Variants in SOX6 observed in about 807,000 individuals in gnomAD.
SOX6 encodes the protein transcription factor SOX-6.
Under a neutral mutation model 97.8 loss-of-function variants are expected in SOX6, and 11 were observed. The ratio of observed to expected loss-of-function variants is 0.11; its 90% confidence interval spans 0.07 to 0.19. The LOEUF (loss-of-function observed/expected upper bound fraction) is 0.19, where lower values mean the gene tolerates loss of function less well. SOX6 is among the 10% of genes least tolerant of loss of function. SOX6 has a pLI of 1.00. For missense variants in SOX6, 810 were observed against 1,039.5 expected, an observed-to-expected ratio of 0.78 and a Z score of 3.04; for synonymous variants, 360 against 371.4, an observed-to-expected ratio of 0.97 and a Z score of 0.35.
At chr11:16,367,358 C>T (rs1402922347) in intron 1 of SOX6, among the ~76,000 whole-genome samples, 1 of 152,088 alleles carries the variant, frequency 6.6e-6, no homozygotes, top group Non-Finnish European at 1.5e-5. Context: ...CAAATGCACC[C>T]TCCCTCACAC....
intron 1 of SOX6, among the ~76,000 whole-genome samples, chr11:16,373,155 A>G (rs1857537438): frequency 6.6e-6 from 1 of 152,154 alleles, no homozygotes; most frequent in Non-Finnish European, 1.5e-5. Flanking sequence ...ATAAAATTTC[A>G]TCGTAAAACT....
chr11:15,999,613 T>C (rs1390123148), intron 13 of SOX6, among the ~76,000 whole-genome samples: 1 of 152,062 alleles, frequency 6.6e-6, no homozygotes, highest in African/African-American at 2.4e-5. Context: ...TTTTGAAAGG[T>C]TCTTTTTTCT....
chr11:16,597,913 G>A (rs1020217541), intron 4 of SOX6, among the ~76,000 whole-genome samples: 1 of 151,896 alleles, frequency 6.6e-6, no homozygotes, highest in East Asian at 1.9e-4. Flanking sequence ...CCAGACCATA[G>A]ATTAATTCTC....
chr11:16,113,328 T>TTAC (rs1564961522), intron 6 of SOX6, among the ~76,000 whole-genome samples: 1 of 152,242 alleles, frequency 6.6e-6, no homozygotes, highest in Non-Finnish European at 1.5e-5. Context: ...CTTTGTGCAA[T>TTAC]TACTACCTTG....
chr11:16,232,721 T>C (rs534490193), intron 4 of SOX6, among the ~76,000 whole-genome samples: 9 of 152,274 alleles, frequency 5.9e-5, no homozygotes, highest in East Asian at 5.8e-4. Context: ...GGAAAAAGCT[T>C]GCCTTTGTAC....
intron 11 of SOX6, among the ~76,000 whole-genome samples, chr11:16,047,080 T>C (rs1855856478): frequency 6.6e-6 from 1 of 151,780 alleles, no homozygotes; most frequent in Admixed American, 6.6e-5. Context: ...GGTTGAGGAG[T>C]GGGCAGGAGG....
In SOX6 at chr11:16,144,677, A is replaced by G. The variant is rs1016171798; in HGVS notation, c.778-32754T>C. On this transcript the variant is annotated intron_variant, in intron 6 of 15. Coordinates refer to ENST00000683767, the MANE Select transcript of SOX6 (RefSeq NM_001367873.1). ...AAATGATAAAGGGGATATCACCACC[A>G]ATCCCACAGAAATACAAACTACCAT... Among the ~76,000 whole-genome samples, 73 of 152,108 alleles carry G rather than the reference A, an allele frequency of 4.8e-4. 1 individual carries two copies. Among genetic ancestry groups the G allele is most frequent in the African/African-American group, 1.5e-3 (63 of 41,438 alleles).
In SOX6 at chr11:16,055,619, T is replaced by C. The variant is rs986844907; in HGVS notation, c.1251+133A>G. 2.4e-5 allele frequency: 25 copies of C among 1,037,184 alleles called. No individual in the cohort carries two copies. In the African/African-American group the frequency reaches 2.9e-4, roughly 12 times the overall value. The allele number at this position is 1,037,184 out of a possible 1,614,324, so 64.2% of individuals were successfully genotyped here. A position where few individuals can be genotyped will look rare whatever the true frequency, so the allele number is the denominator to read the frequency against. ...CAATGCTCAATTATGAAATTTACCA[T>C]AAAGAGGGACATTTTGGGGTTGCTT... On this transcript the variant is annotated intron_variant, in intron 10 of 15. Coordinates refer to ENST00000683767, the MANE Select transcript of SOX6 (RefSeq NM_001367873.1).
At chr11:16,318,112 G>A (rs1331459138) in intron 3 of SOX6, 2 of 378,186 alleles carry the variant, frequency 5.3e-6, no homozygotes, top group Non-Finnish European at 1.0e-5. Context: ...CCACCAAAAG[G>A]AAATAGGGGA....
chr11:16,330,769 G>A (rs1856265329), intron 2 of SOX6, among the ~76,000 whole-genome samples: 1 of 152,104 alleles, frequency 6.6e-6, no homozygotes, highest in East Asian at 1.9e-4. Context: ...CTTAGTCATT[G>A]TAGTTCAAAT....
At chr11:16,714,530 C>T (rs1848204850) in intron 3 of SOX6, among the ~76,000 whole-genome samples, 1 of 150,016 alleles carries the variant, frequency 6.7e-6, no homozygotes, top group Non-Finnish European at 1.5e-5. Context: ...CGGCTCACTG[C>T]AACCTCCGCC....
At chr11:16,386,735 A>G (rs538417226) in intron 1 of SOX6, among the ~76,000 whole-genome samples, 2 of 152,266 alleles carry the variant, frequency 1.3e-5, no homozygotes, top group African/African-American at 2.4e-5. Flanking sequence ...CCACTAATGT[A>G]TAGTCACCAT....
chr11:16,117,605 G>C (rs1336134931), intron 6 of SOX6, among the ~76,000 whole-genome samples: 1 of 152,144 alleles, frequency 6.6e-6, no homozygotes, highest in African/African-American at 2.4e-5. Flanking sequence ...AAGGGGAAAA[G>C]ACAAGGAAAG....
At chr11:16,208,359 C>T (rs987629179) in intron 4 of SOX6, among the ~76,000 whole-genome samples, 2 of 152,112 alleles carry the variant, frequency 1.3e-5, no homozygotes, top group Non-Finnish European at 2.9e-5. Flanking sequence ...TCTAATAATA[C>T]TATAATCTTT....
At chr11:16,306,611 C>CTTTTTTTTTTTTTTTTTTTTTTTTTTT (rs750981587) in intron 3 of SOX6, among the ~76,000 whole-genome samples, 1 of 120,802 alleles carries the variant, frequency 8.3e-6, no homozygotes, top group Non-Finnish European at 1.8e-5. Flanking sequence ...CCTCAAATTT[C>CTTTTTTTTTTTTTTTTTTTTTTTTTTT]TTTTTTTTTT....
At chr11:16,296,530 T>C (rs1855095610) in intron 3 of SOX6, among the ~76,000 whole-genome samples, 1 of 152,156 alleles carries the variant, frequency 6.6e-6, no homozygotes, top group Admixed American at 6.6e-5. Context: ...TTATAAAGAA[T>C]GGCTTATTGA....
chr11:16,183,161 A>G (rs1276559279), intron 6 of SOX6, among the ~76,000 whole-genome samples: 1 of 151,880 alleles, frequency 6.6e-6, no homozygotes, highest in Non-Finnish European at 1.5e-5. Context: ...AAGGGAAACC[A>G]TTTTCCTTGC....
At chr11:16,368,395 T>A (rs1174513948) in intron 1 of SOX6, among the ~76,000 whole-genome samples, 1 of 152,120 alleles carries the variant, frequency 6.6e-6, no homozygotes, top group East Asian at 1.9e-4. Context: ...GGCATGTGAA[T>A]CATTTGTGCC....
chr11:16,344,899 T>C (rs145928109), intron 1 of SOX6, among the ~76,000 whole-genome samples: 22 of 152,050 alleles, frequency 1.4e-4, no homozygotes, highest in African/African-American at 5.1e-4. Context: ...CAACCCTAAC[T>C]AAAGCAGCGC....
Sources: gnomAD v4.1 joint callset for allele counts (sites outside exome capture counted in the v4.1 genomes callset) on GRCh38, gnomAD v4.1.1 for gene constraint, MANE v1.5 for transcripts, NCBI Gene and HGNC (gene_info 2026-07-23, HGNC 2026-07-21) for gene names.